The following SH3TC1 variants were observed in gnomAD, a reference collection of about 807,000 sequenced individuals.
The protein encoded by SH3TC1 is SH3 domain and tetratricopeptide repeat-containing protein 1.
SH3TC1 carries 135 observed loss-of-function variants against 117.3 expected under a neutral mutation model. The ratio of observed to expected loss-of-function variants is 1.15; its 90% CI spans 1.00 to 1.33. The LOEUF is 1.33. Among genes scored for constraint, SH3TC1 ranks in the 40% most tolerant of loss-of-function variants. The pLI is 0.00. For missense variants in SH3TC1, 2,092 were observed against 1,794.3 expected (o/e 1.17, Z -3.00); for synonymous variants, 898 against 816.9 (o/e 1.10, Z -1.69).
chr4:8,220,862 C>A (rs1352414747), intron 9 of SH3TC1, among the ~76,000 whole-genome samples: 1 of 152,234 alleles, frequency 6.6e-6, no homozygotes, highest in Non-Finnish European at 1.5e-5. Context: ...GCATCAGAAG[C>A]AGCTGGAAGC....
intron 1 of SH3TC1, among the ~76,000 whole-genome samples, chr4:8,193,993 A>C (rs956606299): frequency 6.6e-5 from 10 of 152,314 alleles, no homozygotes; most frequent in Admixed American, 5.2e-4. Context: ...TGAAAAACGC[A>C]AAGACAAAAG....
Position 8,205,893 on chromosome 4 carries a change from C to T in SH3TC1, c.172+527C>T, listed in dbSNP as rs181560736. 5.5e-6 allele frequency: 3 copies of T among 550,164 alleles called. No individual in the cohort carries two copies. In the African/African-American group the frequency reaches 5.7e-5, roughly 10 times the overall value. 34.1% of individuals were successfully genotyped at this position (550,164 alleles called of 1,614,324 possible). The stretch of plus-strand genomic sequence containing the variant: ...ATCCCCTCTTACCCCCATCCTGAGA[C>T]CCTGAAGGGGACGAGGGGAGAGGCA... On this transcript the variant is annotated intron_variant, in intron 2 of 17. Transcript: ENST00000245105. The surrounding 1 kb of genome is among the most constrained non-coding windows in gnomAD (Gnocchi z 5.4).
In SH3TC1 at chr4:8,217,108, C is replaced by G. The variant is rs771953645; in HGVS notation, c.780C>G (p.Ser260Arg). The G allele has an allele frequency of 1.2e-6, 2 of 1,613,528 alleles. No homozygotes were observed. Among genetic ancestry groups the G allele is most frequent in the African/African-American group, 1.3e-5 (1 of 74,942 alleles). ...PETDSSPPSPSVSSEEVAVAA... is the reference protein window; with the variant it reads ...PETDSSPPSPRVSSEEVAVAA... ...CAGACTCTTCACCGCCGAGCCCCAG[C>G]GTGTCCTCCGAGGAGGTGGCAGTGG... The change falls in exon 7 of 18, where the codon AGC (serine) becomes AGG (arginine). Residue 260 changes from serine to arginine, a missense_variant. Transcript: ENST00000245105.
At chr4:8,188,693 G>C (rs560891723) in intron 1 of SH3TC1, among the ~76,000 whole-genome samples, 2 of 152,328 alleles carry the variant, frequency 1.3e-5, no homozygotes, top group South Asian at 4.1e-4. Flanking sequence ...AGTGAGGGGA[G>C]ACCCCGGGAC....
chr4:8,240,745 C>G lies in SH3TC1; in HGVS notation c.3801C>G (p.Ala1267=), dbSNP rs370598924. The G allele has an allele frequency of 6.2e-7, 1 of 1,613,804 alleles. No individual in the cohort carries two copies. The highest frequency in any genetic ancestry group is 8.5e-7 in the Non-Finnish European group (1 of 1,180,032). ...ACTACCAGCTGGCGCTGGCAGCCGC[C>G]GTGGACCTGGGCAACAAGAAGGCAC... ...AGYYQLALAA[A]VDLGNKKAQL... The change falls in exon 18 of 18, where the codon GCC becomes GCG. Residue 1267 remains alanine, a synonymous_variant. Coordinates refer to ENST00000245105, the MANE Select transcript of SH3TC1 (RefSeq NM_018986.5).
Position 8,206,190 on chromosome 4 carries a change from G to T in SH3TC1, c.172+824G>T, listed in dbSNP as rs922872127. 1 of 155,500 alleles carries T rather than the reference G, an allele frequency of 6.4e-6. No homozygotes were observed. Among genetic ancestry groups the T allele is most frequent in the South Asian group, 2.0e-4 (1 of 5,010 alleles). The allele number at this position is 155,500 out of a possible 1,614,324, so 9.6% of individuals were successfully genotyped here. ...AGGTGTGGGAGTGTTTTATACCTGC[G>T]ATCCTGCCCTTCTGCTTGAGGGTGG... is the stretch of plus-strand genomic sequence containing the variant. On this transcript the variant is annotated intron_variant, in intron 2 of 17. Coordinates refer to ENST00000245105, the MANE Select transcript of SH3TC1 (RefSeq NM_018986.5). This position sits in a 1 kb window ranked among gnomAD's most constrained non-coding sequence, Gnocchi z 5.5.
At position 8,227,617 on chromosome 4, in the gene SH3TC1, C is replaced by T. The variant is rs767385972; in HGVS notation, c.1923C>T (p.Thr641=). 1.9e-5 allele frequency: 29 copies of T among 1,525,012 alleles called. No homozygotes were observed. The highest frequency in any genetic ancestry group is 1.8e-4 in the Middle Eastern group (1 of 5,646). 94.5% of individuals were successfully genotyped at this position (1,525,012 alleles called of 1,614,324 possible). The stretch of plus-strand genomic sequence containing the variant: ...GGACGCCTGACCACATCTGCAGCAC[C>T]GAGGCGGAGGGGGAGCTCCTGCAGC... ...LLGTPDHICS[T]EAEGELLQLA... The change falls in exon 12 of 18, where the codon ACC becomes ACT. Residue 641 remains threonine, a synonymous_variant. Transcript: ENST00000245105.
At chr4:8,232,482 A>G in intron 13 of SH3TC1, 1 of 1,433,468 alleles carries the variant, frequency 7.0e-7, no homozygotes, top group Non-Finnish European at 9.3e-7. Flanking sequence ...TTGTCATCTG[A>G]CCTCTGCCTG....
chr4:8,213,979 C>T (rs540544517), intron 4 of SH3TC1, among the ~76,000 whole-genome samples: 21 of 152,128 alleles, frequency 1.4e-4, no homozygotes, highest in East Asian at 1.4e-3. Flanking sequence ...CTTCCCGAGT[C>T]GGAAGAGTTC....
intron 1 of SH3TC1, among the ~76,000 whole-genome samples, chr4:8,202,780 T>G (rs527380352): frequency 6.6e-6 from 1 of 152,174 alleles, no homozygotes; most frequent in East Asian, 1.9e-4. Context: ...TAGGGGACCC[T>G]CTCTATGCCT....
In SH3TC1 at chr4:8,224,058, C is replaced by A. The variant is rs575164488; in HGVS notation, c.1243+1088C>A. Among the ~76,000 whole-genome samples the A allele has an allele frequency of 1.0e-3, 153 of 152,236 alleles. 4 individuals are homozygous for A. In the East Asian group the frequency reaches 0.018, roughly 18 times the overall value. On this transcript the variant is annotated intron_variant, in intron 10 of 17. Transcript: ENST00000245105. The stretch of plus-strand genomic sequence containing the variant: ...ACTCACAAGTATACACACACACACA[C>A]CCACCCATGCAGACATGTGTGCACA...
At chr4:8,239,551 CAGGCACATGCACACGCAAATGCACAG>C (rs1173884661) in intron 17 of SH3TC1, among the ~76,000 whole-genome samples, 1 of 151,552 alleles carries the variant, frequency 6.6e-6, no homozygotes. Context: ...TGCACACACA[CAGGCACATGCACACGCAAATGCACAG>C]AGGCACACGC....
At chr4:8,240,563 C>T in intron 17 of SH3TC1, 135 bp from the exon 18 acceptor site, 2 of 1,393,044 alleles carry the variant, frequency 1.4e-6, no homozygotes, top group South Asian at 1.3e-5. Flanking sequence ...GAGCCCACAG[C>T]AGTGTCACAG....
intron 9 of SH3TC1, among the ~76,000 whole-genome samples, chr4:8,219,937 C>T (rs55787585): frequency 0.18 from 26,954 of 152,200 alleles, 2,989 homozygotes; most frequent in Middle Eastern, 0.29. Context: ...TTGCCTCTTC[C>T]AGCTCCTGGT....
At chr4:8,237,295 G>C (rs1047797237) in intron 16 of SH3TC1, 179 bp from the exon 17 acceptor site, 7 of 541,642 alleles carry the variant, frequency 1.3e-5, no homozygotes, top group Non-Finnish European at 1.9e-5. Flanking sequence ...CGGTAGATGG[G>C]GGCAGGCCTT....
chr4:8,212,245 T>TC (rs547708850), intron 3 of SH3TC1, among the ~76,000 whole-genome samples: 60 of 152,156 alleles, frequency 3.9e-4, no homozygotes, highest in African/African-American at 1.4e-3. Flanking sequence ...GGTCCCAGAC[T>TC]CCCCACCTTA....
Position 8,205,419 on chromosome 4 carries a change from C to T in SH3TC1, c.172+53C>T. The T allele has an allele frequency of 2.0e-6, 3 of 1,519,640 alleles. No homozygotes were observed. The highest frequency in any genetic ancestry group is 2.5e-5 in the South Asian group (2 of 78,692). 94.1% of individuals were successfully genotyped at this position (1,519,640 alleles called of 1,614,324 possible). On this transcript the variant is annotated intron_variant, in intron 2 of 17. Coordinates refer to ENST00000245105, the MANE Select transcript of SH3TC1 (RefSeq NM_018986.5). This position sits in a 1 kb window ranked among gnomAD's most constrained non-coding sequence, Gnocchi z 5.4. ...CCCTCCATCCCACCCACTTCTCCAC[C>T]CCACCCGCCCCGTCCATCCATCCCT...
At chr4:8,239,337 A>G (rs2152999563) in intron 17 of SH3TC1, among the ~76,000 whole-genome samples, 1 of 151,706 alleles carries the variant, frequency 6.6e-6, no homozygotes, top group Admixed American at 6.6e-5. Flanking sequence ...ACATGCACAC[A>G]TGGACACGCA....
chr4:8,217,176 C>A lies in SH3TC1; in HGVS notation c.839+9C>A. On this transcript the variant is annotated intron_variant, in intron 7 of 17. Coordinates refer to ENST00000245105, the MANE Select transcript of SH3TC1 (RefSeq NM_018986.5). ...TTGATTCCATTTCATCAGTAGGTACCGGCCTTTGCTGCTCTGAGAGCTGTT... is the reference window on the plus strand; with the variant it reads ...TTGATTCCATTTCATCAGTAGGTACAGGCCTTTGCTGCTCTGAGAGCTGTT... 3 of 1,594,010 alleles carry A rather than the reference C, an allele frequency of 1.9e-6. No individual in the cohort carries two copies. Among genetic ancestry groups the A allele is most frequent in the East Asian group, 2.3e-5 (1 of 43,628 alleles).
Sources: allele counts gnomAD v4.1 joint callset (sites outside exome capture counted in the v4.1 genomes callset), GRCh38; gene constraint gnomAD v4.1.1; non-coding constraint Gnocchi (gnomAD v3.1); transcripts MANE v1.5; gene names NCBI Gene and HGNC (gene_info 2026-07-23, HGNC 2026-07-21).